The following NR3C1 variants were observed in gnomAD, a reference collection of about 807,000 sequenced individuals.
NR3C1 encodes glucocorticoid receptor.
Under a neutral mutation model 74.0 loss-of-function variants are expected in NR3C1, and 14 were observed. The ratio of observed to expected loss-of-function variants is 0.19; its 90% CI spans 0.12 to 0.30. NR3C1 has a LOEUF of 0.30. Ranked by LOEUF, NR3C1 falls within the 10% of genes least tolerant of loss-of-function variation. NR3C1 has a pLI of 1.00. For synonymous variants in NR3C1, 308 were observed against 332.5 expected (o/e 0.93, Z 0.80); for missense variants, 695 against 909.8 (o/e 0.76, Z 3.04).
At chr5:143,381,760 C>A (rs72801087) in intron 2 of NR3C1, among the ~76,000 whole-genome samples, 1 of 152,218 alleles carries the variant, frequency 6.6e-6, no homozygotes, top group Non-Finnish European at 1.5e-5. Context: ...CTATCTCTCA[C>A]CACATATAAA....
chr5:143,344,134 T>C (rs1481499376), intron 2 of NR3C1, among the ~76,000 whole-genome samples: 1 of 152,200 alleles, frequency 6.6e-6, no homozygotes, highest in Non-Finnish European at 1.5e-5. Flanking sequence ...TTTTTAAACA[T>C]TATATTTTGC....
At chr5:143,349,571 A>G (rs1829889873) in intron 2 of NR3C1, among the ~76,000 whole-genome samples, 1 of 152,172 alleles carries the variant, frequency 6.6e-6, no homozygotes, top group African/African-American at 2.4e-5. Flanking sequence ...TTTAAAACAC[A>G]GTATTTCCTA....
At chr5:143,316,239 G>C (rs1488969065) in intron 2 of NR3C1, among the ~76,000 whole-genome samples, 2 of 152,090 alleles carry the variant, frequency 1.3e-5, no homozygotes, top group South Asian at 2.1e-4. Context: ...CAATGTGTTG[G>C]GGAAGCAAAA....
At chr5:143,401,602 G>A (rs1282340726) in intron 1 of NR3C1, among the ~76,000 whole-genome samples, 1 of 152,198 alleles carries the variant, frequency 6.6e-6, no homozygotes, top group Non-Finnish European at 1.5e-5. Context: ...AGGTGTAGTA[G>A]TTTCTCACTA....
chr5:143,286,475 C>T (rs1406417199), intron 7 of NR3C1, among the ~76,000 whole-genome samples: 3 of 152,020 alleles, frequency 2.0e-5, no homozygotes, highest in South Asian at 4.1e-4. Flanking sequence ...GTATATTATA[C>T]CATTATACCA....
chr5:143,333,690 C>T (rs1046794304), intron 2 of NR3C1, among the ~76,000 whole-genome samples: 5 of 152,118 alleles, frequency 3.3e-5, no homozygotes, highest in African/African-American at 9.7e-5. Context: ...ATCGCTTGAA[C>T]CCAGGAGGCA....
intron 1 of NR3C1, chr5:143,433,858 G>C (rs934496787): frequency 6.6e-6 from 1 of 152,266 alleles, no homozygotes; most frequent in African/African-American, 2.4e-5. Flanking sequence ...CCTTTGCTTG[G>C]AACCTTCAGC....
intron 2 of NR3C1, among the ~76,000 whole-genome samples, chr5:143,331,340 T>G (rs913693462): frequency 3.3e-5 from 5 of 152,214 alleles, no homozygotes; most frequent in African/African-American, 1.2e-4. Context: ...GGTGGAAGTG[T>G]AAATTAATCC....
intron 2 of NR3C1, among the ~76,000 whole-genome samples, chr5:143,377,623 A>G (rs1468059140): frequency 6.6e-6 from 1 of 152,264 alleles, no homozygotes; most frequent in Non-Finnish European, 1.5e-5. Context: ...CACGCAGTGC[A>G]GCGCTGAAAA....
intron 2 of NR3C1, among the ~76,000 whole-genome samples, chr5:143,355,834 A>G (rs1034518063): frequency 3.9e-5 from 6 of 152,228 alleles, no homozygotes; most frequent in African/African-American, 1.4e-4. Flanking sequence ...TTGTGCCTTT[A>G]ATGTTTAAAA....
rs553713775 is a variant in NR3C1, at chr5:143,397,303, C to G, written c.1184+2353G>C. On this transcript the variant is annotated intron_variant, in intron 2 of 8. Coordinates refer to ENST00000394464, the MANE Select transcript of NR3C1 (RefSeq NM_000176.3). ...CATTTAATATTTTTCTTCGTAAAGT[C>G]AGAAGGTCAGTATTCAAGTTGTGGT... Among the ~76,000 whole-genome samples, 6 of 151,798 alleles carry G rather than the reference C, an allele frequency of 4.0e-5. No individual in the cohort carries two copies. In the East Asian group the frequency reaches 9.6e-4, roughly 24 times the overall value.
intron 2 of NR3C1, among the ~76,000 whole-genome samples, chr5:143,362,191 A>C (rs1388072283): frequency 6.6e-6 from 1 of 152,054 alleles, no homozygotes; most frequent in African/African-American, 2.4e-5. Context: ...AAACAAAAAC[A>C]ACCCTCTTCC....
At chr5:143,351,165 C>A (rs1198232420) in intron 2 of NR3C1, among the ~76,000 whole-genome samples, 1 of 152,146 alleles carries the variant, frequency 6.6e-6, no homozygotes, top group Non-Finnish European at 1.5e-5. Context: ...AGAACTGTCT[C>A]CCCAAACAAA....
rs1255585611 is a variant in NR3C1 at position 143,281,420 on chromosome 5, A to G, written c.*469T>C. The stretch of plus-strand genomic sequence containing the variant: ...GCACAACTTCCCTTTTCTGATATAC[A>G]CTTGTAAACTTTTTTTCAGGTTTCC... On this transcript the variant is annotated 3_prime_UTR_variant, in exon 9 of 9. Transcript: ENST00000394464. 1 of 165,910 alleles carries G rather than the reference A, an allele frequency of 6.0e-6. No individual in the cohort carries two copies. The highest frequency in any genetic ancestry group is 2.4e-5 in the African/African-American group (1 of 41,498). The allele number at this position is 165,910 out of a possible 1,614,324, so 10.3% of individuals were successfully genotyped here. A position where few individuals can be genotyped will look rare whatever the true frequency, so the allele number is the denominator to read the frequency against.
intron 6 of NR3C1, among the ~76,000 whole-genome samples, chr5:143,295,870 G>A (rs1817057069): frequency 6.6e-6 from 1 of 152,152 alleles, no homozygotes; most frequent in African/African-American, 2.4e-5. Context: ...TAATTAAAGT[G>A]TTAGAATTCT....
chr5:143,378,222 G>A (rs1336082594), intron 2 of NR3C1, among the ~76,000 whole-genome samples: 2 of 152,134 alleles, frequency 1.3e-5, no homozygotes, highest in Non-Finnish European at 2.9e-5. Context: ...TTGCACTCCA[G>A]CCTGGGTAAC....
chr5:143,399,605 A>T (rs373038245), intron 2 of NR3C1, 51 bp downstream of exon 2: 93 of 1,275,750 alleles, frequency 7.3e-5, no homozygotes, highest in Non-Finnish European at 1.0e-4. Context: ...TACATCTATT[A>T]ATCTACCTTA....
intron 2 of NR3C1, among the ~76,000 whole-genome samples, chr5:143,368,435 T>C (rs1365276829): frequency 1.3e-5 from 2 of 152,052 alleles, no homozygotes; most frequent in South Asian, 2.1e-4. Context: ...AGTGAAAAGA[T>C]GGCCTTTTAA....
intron 3 of NR3C1, among the ~76,000 whole-genome samples, chr5:143,311,597 C>T (rs539776925): frequency 3.9e-4 from 59 of 152,202 alleles, no homozygotes; most frequent in Non-Finnish European, 7.2e-4. Flanking sequence ...CACATGGCCA[C>T]GTACAACTAA....
Sources: gnomAD v4.1 joint callset for allele counts (sites outside exome capture counted in the v4.1 genomes callset) on GRCh38, gnomAD v4.1.1 for gene constraint, MANE v1.5 for transcripts, NCBI Gene and HGNC (gene_info 2026-07-23, HGNC 2026-07-21) for gene names.